ZNF43: variants seen among roughly 807,000 people sequenced by gnomAD.
ZNF43 encodes the protein zinc finger protein 39-like 1 (KOX 27).
ZNF43 carries 44 observed loss-of-function variants against 68.4 expected under a neutral mutation model. The observed-to-expected ratio is 0.64, with a 90% CI of 0.51 to 0.83. The LOEUF (loss-of-function observed/expected upper bound fraction) is 0.83. Among genes scored for constraint, ZNF43 ranks in the 40% least tolerant of loss-of-function variants. The pLI is 0.00. For synonymous variants in ZNF43, 308 were observed against 307.8 expected, an observed-to-expected ratio of 1.00 and a Z score of -0.01; for missense variants, 896 against 933.2, an observed-to-expected ratio of 0.96 and a Z score of 0.52.
Position 21,808,141 on chromosome 19 carries a change from G to A in ZNF43, c.1896C>T (p.Asn632=). The change falls in exon 4 of 4, where the codon AAC becomes AAT. Residue 632 remains asparagine, a synonymous_variant. Transcript: ENST00000354959. The part of the protein sequence containing the change: ...YKCEECGKAF[N]QFSTLTKHKI... ...TATGTTTAGTAAGAGTTGAGAACTG[G>A]TTAAAAGCTTTGCCACATTCTTCAC... 1 of 1,612,212 alleles carries A rather than the reference G, an allele frequency of 6.2e-7. No individual in the cohort carries two copies. Among genetic ancestry groups the A allele is most frequent in the East Asian group, 2.2e-5 (1 of 44,750 alleles).
At chr19:21,838,572 G>T (rs1030407853), upstream of ZNF43, among the ~76,000 whole-genome samples, 1 of 151,976 alleles carries the variant, frequency 6.6e-6, no homozygotes, top group Non-Finnish European at 1.5e-5. Context: ...GCTAATTTTT[G>T]TATTTTTAGT....
intron 1 of ZNF43, among the ~76,000 whole-genome samples, chr19:21,848,349 T>C (rs781179269): frequency 1.7e-4 from 26 of 152,120 alleles, no homozygotes; most frequent in Non-Finnish European, 2.9e-4. Flanking sequence ...TTTCACCATG[T>C]TGGCCAGGCT....
chr19:21,835,037 A>C (rs978940264), intron 1 of ZNF43, among the ~76,000 whole-genome samples: 3 of 150,924 alleles, frequency 2.0e-5, no homozygotes, highest in Non-Finnish European at 4.4e-5. Flanking sequence ...ATCTGAGCTC[A>C]GGAGTTCGAG....
At chr19:21,839,019 G>A (rs945020190), upstream of ZNF43, 4 of 152,064 alleles carry the variant, frequency 2.6e-5, no homozygotes, top group Non-Finnish European at 5.9e-5. Context: ...CAAAGCTCCT[G>A]TGGTTAGGGT....
At chr19:21,847,725 A>G (rs1968059045) in intron 1 of ZNF43, among the ~76,000 whole-genome samples, 1 of 152,082 alleles carries the variant, frequency 6.6e-6, no homozygotes, top group Non-Finnish European at 1.5e-5. Context: ...TAACATCACC[A>G]TGGTGACGGG....
At chr19:21,827,311 T>C (rs982099149) in intron 1 of ZNF43, 2 of 152,070 alleles carry the variant, frequency 1.3e-5, no homozygotes, top group Non-Finnish European at 2.9e-5. Context: ...AGTTTATTCA[T>C]ATAGTGTAAT....
At chr19:21,844,347 C>CAA (rs57500822) in intron 1 of ZNF43, among the ~76,000 whole-genome samples, 1,113 of 42,456 alleles carry the variant, frequency 0.026, 55 homozygotes, top group African/African-American at 0.039. Context: ...GACTCTGTCT[C>CAA]AAAAAAAAAA....
chr19:21,819,243 CA>C, intron 1 of ZNF43, 22 bp from the exon 2 acceptor site: 1 of 1,554,046 alleles, frequency 6.4e-7, no homozygotes, highest in East Asian at 2.3e-5. Context: ...AACACATACA[CA>C]CACAAACACA....
chr19:21,818,104 T>A (rs2037618602), intron 2 of ZNF43, 118 bp from the exon 3 acceptor site: 2 of 1,141,080 alleles, frequency 1.8e-6, no homozygotes, highest in Admixed American at 2.7e-5. Context: ...CCCAAAATAC[T>A]AATTTTTTTT....
At chr19:21,835,737 GA>G (rs1379625695) in intron 1 of ZNF43, among the ~76,000 whole-genome samples, 2 of 152,130 alleles carry the variant, frequency 1.3e-5, no homozygotes, top group Non-Finnish European at 2.9e-5. Flanking sequence ...ACTGCATCAC[GA>G]GTCAGGATTC....
chr19:21,820,830 A>ATT (rs750258211), intron 1 of ZNF43, among the ~76,000 whole-genome samples: 1,638 of 128,710 alleles, frequency 0.013, 40 homozygotes, highest in African/African-American at 0.047. Context: ...ATGTTCTGTA[A>ATT]TTTTTTTTTT....
At chr19:21,817,435 C>T (rs1215827516) in intron 3 of ZNF43, among the ~76,000 whole-genome samples, 1 of 151,964 alleles carries the variant, frequency 6.6e-6, no homozygotes, top group Admixed American at 6.6e-5. Flanking sequence ...TTAAAGGCTA[C>T]AGTAATAAAA....
rs199873834 is a variant in ZNF43, at chr19:21,833,256, TTTTTA to T, written c.3+2775_3+2779del. Among the ~76,000 whole-genome samples the T allele has an allele frequency of 3.9e-5, 6 of 152,088 alleles. No individual in the cohort carries two copies. In the East Asian group the frequency reaches 5.8e-4, roughly 15 times the overall value. On this transcript the variant is annotated intron_variant, in intron 1 of 3. Transcript: ENST00000354959. ...TGGGAAAGAGAAAGGTAAATGATAATTTTTATTTTATTTTATTTATTTATTTTTTA... is the reference window on the plus strand; with the variant it reads ...TGGGAAAGAGAAAGGTAAATGATAATTTTTATTTTATTTATTTATTTTTTA...
At chr19:21,843,852 G>A (rs927451594) in intron 1 of ZNF43, among the ~76,000 whole-genome samples, 14 of 152,248 alleles carry the variant, frequency 9.2e-5, no homozygotes, top group Admixed American at 5.2e-4. Flanking sequence ...ATCCATCTGT[G>A]GACCAGATTC....
At position 21,836,024 on chromosome 19, in the gene ZNF43, C is replaced by G. The variant is rs7260597; in HGVS notation, c.3+12G>C. ...CCTTCCCCCTCTCGGGATGTCGGAC[C>G]GGCACTCTCACCATTTCTAGGCTTC... On this transcript the variant is annotated intron_variant, in intron 1 of 3. Transcript: ENST00000354959. 1.2e-5 allele frequency: 20 copies of G among 1,613,906 alleles called. No homozygotes were observed. The highest frequency in any genetic ancestry group is 1.6e-5 in the Non-Finnish European group (19 of 1,179,846).
At chr19:21,835,548 G>A (rs974140376) in intron 1 of ZNF43, among the ~76,000 whole-genome samples, 12 of 151,472 alleles carry the variant, frequency 7.9e-5, no homozygotes, top group Non-Finnish European at 1.6e-4. Flanking sequence ...AGTATAGACG[G>A]GGTTCACCAT....
upstream of ZNF43, among the ~76,000 whole-genome samples, chr19:21,836,387 T>C (rs1337416031): frequency 6.6e-6 from 1 of 152,210 alleles, no homozygotes; most frequent in Non-Finnish European, 1.5e-5. Context: ...GCTTCCTCCC[T>C]GAGCAGAGCA....
chr19:21,807,927 T>G lies in ZNF43; in HGVS notation c.2110A>C (p.Lys704Gln), dbSNP rs772018323. The G allele has an allele frequency of 3.6e-5, 58 of 1,612,806 alleles. No individual in the cohort carries two copies. Among genetic ancestry groups the G allele is most frequent in the Non-Finnish European group, 4.1e-5 (48 of 1,179,782 alleles). The change falls in exon 4 of 4, where the codon AAA becomes CAA. Residue 704 changes from lysine (K) to glutamine (Q), a missense_variant. Coordinates refer to ENST00000354959, the MANE Select transcript of ZNF43 (RefSeq NM_003423.4). ...STHKIIHTGE[K>Q]PYKCEKCGKA... ...CCACATTTTTCACATTTGTAGGGTT[T>G]CTCTCCAGTATGAATAATCTTATGT...
chr19:21,819,551 A>G (rs2037697469), intron 1 of ZNF43, among the ~76,000 whole-genome samples: 1 of 152,178 alleles, frequency 6.6e-6, no homozygotes, highest in African/African-American at 2.4e-5. Flanking sequence ...AGTTGCGAAT[A>G]TTTTTCAGAT....
Sources: gnomAD v4.1 joint callset for allele counts (sites outside exome capture counted in the v4.1 genomes callset) on GRCh38, gnomAD v4.1.1 for gene constraint, MANE v1.5 for transcripts, NCBI Gene and HGNC (gene_info 2026-07-23, HGNC 2026-07-21) for gene names.